Variants in AOAH observed in about 807,000 individuals in gnomAD.
AOAH encodes acyloxyacyl hydrolase (neutrophil).
In AOAH, 64 loss-of-function variants were observed where a neutral mutation model predicts 92.2. The observed-to-expected ratio is 0.69, with a 90% confidence interval of 0.57 to 0.86. The LOEUF (loss-of-function observed/expected upper bound fraction) is 0.86. AOAH is among the 40% of genes least tolerant of loss of function. AOAH has a pLI of 0.00. For synonymous variants in AOAH, 263 were observed against 254.5 expected, an observed-to-expected ratio of 1.03 and a Z score of -0.32; for missense variants, 656 against 694.6, an observed-to-expected ratio of 0.94 and a Z score of 0.62.
At chr7:36,533,160 T>C (rs7797631) in intron 16 of AOAH, among the ~76,000 whole-genome samples, 135,420 of 152,024 alleles carry the variant, frequency 0.89, 60,629 homozygotes, top group East Asian at 1. Context: ...TCCACCCCGC[T>C]TCCAGCATAT....
chr7:36,588,425 CCTCACCCAA>C (rs2116748991), intron 12 of AOAH, among the ~76,000 whole-genome samples: 1 of 152,354 alleles, frequency 6.6e-6, no homozygotes, highest in East Asian at 1.9e-4. Context: ...CTCCAATCAG[CCTCACCCAA>C]CTTCAGAGGA....
chr7:36,691,330 A>G (rs1003615284), intron 1 of AOAH, among the ~76,000 whole-genome samples: 2 of 152,234 alleles, frequency 1.3e-5, no homozygotes, highest in Non-Finnish European at 1.5e-5. Flanking sequence ...AAAGAAAAGA[A>G]GAAAGAAAGG....
At position 36,717,798 on chromosome 7, in the gene AOAH, T is replaced by C. The variant is rs978757378; in HGVS notation, c.127+6224A>G. On this transcript the variant is annotated intron_variant, in intron 1 of 20. Transcript: ENST00000617537. ...CTTGCAACCCCAGGAGTTTCGCTCC[T>C]GGTTGCTATATTTGTGGTGAGGAAC... 4.7e-5 allele frequency among the ~76,000 whole-genome samples: 7 copies of C among 149,496 alleles called. No homozygotes were observed. The East Asian group carries it at 1.4e-3, about 30-fold the overall frequency.
intron 4 of AOAH, among the ~76,000 whole-genome samples, chr7:36,642,534 A>G (rs1191403956): frequency 6.6e-6 from 1 of 152,064 alleles, no homozygotes; most frequent in East Asian, 1.9e-4. Context: ...TGCTTAAGCA[A>G]CCCAGTTGGT....
intron 20 of AOAH, among the ~76,000 whole-genome samples, chr7:36,515,674 A>C (rs1583701790): frequency 9.7e-6 from 1 of 103,258 alleles, no homozygotes; most frequent in East Asian, 3.2e-4. Flanking sequence ...CACCCCTCAC[A>C]ACCCCACACC....
rs921009648 is a variant in AOAH, at chr7:36,614,122, T to C, written c.846+2258A>G. 8.5e-5 allele frequency among the ~76,000 whole-genome samples: 13 copies of C among 152,272 alleles called. No individual in the cohort carries two copies. Among genetic ancestry groups the C allele is most frequent in the African/African-American group, 2.9e-4 (12 of 41,550 alleles). On this transcript the variant is annotated intron_variant, in intron 11 of 20. Coordinates refer to ENST00000617537, the MANE Select transcript of AOAH (RefSeq NM_001637.4). The surrounding 1 kb of genome is among the most constrained non-coding windows in gnomAD (Gnocchi z 4.2). ...GGGAAGAGGGAAGCACATCCATAGG[T>C]GGCTGTATGACAGGGCTTCCCCACC...
intron 1 of AOAH, among the ~76,000 whole-genome samples, chr7:36,705,997 C>A (rs937677298): frequency 1.1e-4 from 17 of 152,098 alleles, no homozygotes; most frequent in Non-Finnish European, 2.2e-4. Flanking sequence ...ACACCTTATA[C>A]AAAAATTAAC....
At chr7:36,621,926 A>G (rs1792310443) in intron 7 of AOAH, 146 bp from the exon 8 acceptor site, 3 of 711,480 alleles carry the variant, frequency 4.2e-6, no homozygotes, top group Admixed American at 2.2e-5. Flanking sequence ...CACTAAGAAA[A>G]TTAAGATTAA....
chr7:36,571,277 C>A (rs1788131508), intron 13 of AOAH, among the ~76,000 whole-genome samples: 1 of 152,108 alleles, frequency 6.6e-6, no homozygotes, highest in Admixed American at 6.5e-5. Flanking sequence ...GCTGCCAGAG[C>A]CGTTTGCTGA....
chr7:36,691,431 G>A (rs1797391096), intron 1 of AOAH, among the ~76,000 whole-genome samples: 1 of 152,202 alleles, frequency 6.6e-6, no homozygotes, highest in African/African-American at 2.4e-5. Flanking sequence ...CAACGCCGGT[G>A]TGAATCTCAT....
intron 1 of AOAH, among the ~76,000 whole-genome samples, chr7:36,694,292 T>C (rs1394591099): frequency 1.3e-5 from 2 of 150,828 alleles, no homozygotes; most frequent in African/African-American, 4.9e-5. Context: ...AGGTCAGGAG[T>C]CTGAGACCAG....
At chr7:36,645,836 TC>T (rs1794189995) in intron 4 of AOAH, among the ~76,000 whole-genome samples, 1 of 152,088 alleles carries the variant, frequency 6.6e-6, no homozygotes, top group African/African-American at 2.4e-5. Flanking sequence ...TTTAAATGCA[TC>T]CCCTTTTATC....
At chr7:36,529,584 G>A (rs1032443987) in intron 19 of AOAH, among the ~76,000 whole-genome samples, 3 of 151,968 alleles carry the variant, frequency 2.0e-5, no homozygotes, top group African/African-American at 7.2e-5. Flanking sequence ...GCGGATGGGG[G>A]CACTGGGGGT....
In AOAH at chr7:36,687,015, C is replaced by G. The variant is rs770548511; in HGVS notation, c.128-221G>C. 2.0e-4 allele frequency among the ~76,000 whole-genome samples: 31 copies of G among 152,164 alleles called. 1 individual carries two copies. Among genetic ancestry groups the G allele is most frequent in the South Asian group, 1.4e-3 (7 of 4,830 alleles). Reference sequence around the variant, plus strand: ...ATAGATATTAGCTTCTCTCCTCCCCCACTTTCTCTCCTTTCTGCAGTAGAT... The same window carrying G: ...ATAGATATTAGCTTCTCTCCTCCCCGACTTTCTCTCCTTTCTGCAGTAGAT... On this transcript the variant is annotated intron_variant, in intron 1 of 20. Coordinates refer to ENST00000617537, the MANE Select transcript of AOAH (RefSeq NM_001637.4).
chr7:36,594,314 T>A, intron 12 of AOAH, 25 bp downstream of exon 12: 1 of 1,568,858 alleles, frequency 6.4e-7, no homozygotes. Context: ...TATTGAAATG[T>A]CTGAGGGTGC....
At chr7:36,682,052 A>G (rs1796679754) in intron 2 of AOAH, among the ~76,000 whole-genome samples, 1 of 152,224 alleles carries the variant, frequency 6.6e-6, no homozygotes, top group Non-Finnish European at 1.5e-5. Flanking sequence ...AGCAGAAAGC[A>G]TGGCAGGCCA....
chr7:36,702,203 A>G (rs1798072927), intron 1 of AOAH, among the ~76,000 whole-genome samples: 1 of 152,216 alleles, frequency 6.6e-6, no homozygotes, highest in South Asian at 2.1e-4. Flanking sequence ...GTGTATGTGC[A>G]TATACATATA....
rs548230776 is a variant in AOAH, at chr7:36,527,054, A to G, written c.1522+3364T>C. Among the ~76,000 whole-genome samples, 13 of 152,352 alleles carry G rather than the reference A, an allele frequency of 8.5e-5. No individual in the cohort carries two copies. The East Asian group carries it at 1.7e-3, about 20-fold the overall frequency. ...CTGTTGGGGAGGTGTGGTGCAGACA[A>G]AGAAAAAGAATATCACCTGCTCAAG... On this transcript the variant is annotated intron_variant, in intron 19 of 20. Coordinates refer to ENST00000617537, the MANE Select transcript of AOAH (RefSeq NM_001637.4).
At chr7:36,596,589 G>T (rs373431027) in intron 11 of AOAH, among the ~76,000 whole-genome samples, 2 of 152,136 alleles carry the variant, frequency 1.3e-5, no homozygotes, top group African/African-American at 4.8e-5. Context: ...GCCGTGCAAT[G>T]GTGGAGGCAG....
Sources: gnomAD v4.1 joint callset for allele counts (sites outside exome capture counted in the v4.1 genomes callset) on GRCh38, gnomAD v4.1.1 for gene constraint, Gnocchi (gnomAD v3.1) non-coding constraint, MANE v1.5 for transcripts, NCBI Gene and HGNC (gene_info 2026-07-23, HGNC 2026-07-21) for gene names.